ARHGEF38: variants seen among roughly 807,000 people sequenced by gnomAD.
ARHGEF38 encodes the protein Rho guanine nucleotide exchange factor (GEF) 38.
Under a neutral mutation model 79.9 loss-of-function variants are expected in ARHGEF38, and 79 were observed. The observed-to-expected ratio is 0.99, with a 90% confidence interval of 0.82 to 1.19. The LOEUF is 1.19. ARHGEF38 is among the 50% of genes most tolerant of loss of function. ARHGEF38 has a pLI of 0.00. For missense variants in ARHGEF38, 962 were observed against 907.2 expected, an observed-to-expected ratio of 1.06 and a Z score of -0.78; for synonymous variants, 366 against 328.3, an observed-to-expected ratio of 1.11 and a Z score of -1.24.
chr4:105,661,842 C>T (rs531473791), intron 10 of ARHGEF38, among the ~76,000 whole-genome samples: 21 of 152,160 alleles, frequency 1.4e-4, no homozygotes, highest in Middle Eastern at 6.8e-3. Flanking sequence ...TGGAATCATA[C>T]AATATGTATT....
At chr4:105,681,505 T>G (rs1731309722), downstream of ARHGEF38, among the ~76,000 whole-genome samples, 1 of 152,160 alleles carries the variant, frequency 6.6e-6, no homozygotes, top group Non-Finnish European at 1.5e-5. Context: ...GATATCCAGT[T>G]TTTTTGCTGT....
At chr4:105,671,274 G>C (rs1310424382) in intron 13 of ARHGEF38, among the ~76,000 whole-genome samples, 1 of 152,126 alleles carries the variant, frequency 6.6e-6, no homozygotes, top group Non-Finnish European at 1.5e-5. Flanking sequence ...CCTCAGAGTA[G>C]AAATCATCTA....
chr4:105,630,357 C>T (rs1729132261), intron 3 of ARHGEF38, among the ~76,000 whole-genome samples: 1 of 151,806 alleles, frequency 6.6e-6, no homozygotes. Context: ...AAGCGATTCT[C>T]CTGCCTCAGC....
intron 3 of ARHGEF38, among the ~76,000 whole-genome samples, chr4:105,617,532 T>C (rs949854254): frequency 2.0e-5 from 3 of 152,190 alleles, no homozygotes; most frequent in Admixed American, 2.0e-4. Context: ...CATTAATCAG[T>C]CTTTGGAAAT....
At chr4:105,589,487 A>C in intron 2 of ARHGEF38, 52 bp downstream of exon 2, 1 of 1,495,708 alleles carries the variant, frequency 6.7e-7, no homozygotes, top group Non-Finnish European at 9.0e-7. Context: ...AAATAGGATC[A>C]CTAGCACCAT....
chr4:105,663,862 C>T (rs1478076278), intron 10 of ARHGEF38, among the ~76,000 whole-genome samples: 3 of 151,308 alleles, frequency 2.0e-5, no homozygotes, highest in African/African-American at 7.3e-5. Flanking sequence ...CCCAGCTACT[C>T]GGGAGGCTGA....
rs1422924506 is a variant in ARHGEF38 at position 105,678,448 on chromosome 4, C to G, written c.*511C>G. The G allele has an allele frequency of 6.6e-6, 1 of 151,930 alleles. No individual in the cohort carries two copies. The highest frequency in any genetic ancestry group is 1.5e-5 in the Non-Finnish European group (1 of 68,022). The allele number at this position is 151,930 out of a possible 1,614,324, so 9.4% of individuals were successfully genotyped here. On this transcript the variant is annotated 3_prime_UTR_variant, in exon 14 of 14. Coordinates refer to ENST00000420470, the MANE Select transcript of ARHGEF38 (RefSeq NM_001242729.2). ...CTATATGTATAAATCAGAGTATACA[C>G]CAAATATACATAAGAAGAATATACC...
In ARHGEF38 at chr4:105,659,156, G is replaced by A. The variant is rs945745311; in HGVS notation, c.1336G>A (p.Asp446Asn). ...LIQKRYDKLL[D>N]CNSYLQRSTG... is the part of the protein sequence containing the mutation. ...CCAGAAACGCTATGACAAACTGCTG[G>A]ATTGCAACAGCTACCTGCAGCGATC... The change falls in exon 10 of 14, where the codon GAT becomes AAT. Residue 446 changes from aspartate (D) to asparagine (N), a missense_variant. Transcript: ENST00000420470. The A allele has an allele frequency of 5.9e-6, 9 of 1,536,080 alleles. No homozygotes were observed. The highest frequency in any genetic ancestry group is 7.8e-6 in the Non-Finnish European group (9 of 1,146,890).
intron 3 of ARHGEF38, among the ~76,000 whole-genome samples, chr4:105,626,837 C>T (rs1276060330): frequency 1.3e-5 from 2 of 151,644 alleles, no homozygotes; most frequent in Admixed American, 1.3e-4. Context: ...CCCCAGCACA[C>T]CTCTACAGTC....
intron 1 of ARHGEF38, among the ~76,000 whole-genome samples, chr4:105,569,120 T>C (rs936510939): frequency 6.6e-6 from 1 of 152,238 alleles, no homozygotes; most frequent in Non-Finnish European, 1.5e-5. Context: ...AGCTGTGTAC[T>C]TTAGCAGGAC....
At chr4:105,566,000 G>C (rs917051649) in intron 1 of ARHGEF38, among the ~76,000 whole-genome samples, 2 of 152,086 alleles carry the variant, frequency 1.3e-5, no homozygotes, top group Non-Finnish European at 1.5e-5. Flanking sequence ...CTGTCCATGC[G>C]AAGAGCCACT....
chr4:105,660,092 T>C (rs530056867), intron 10 of ARHGEF38, among the ~76,000 whole-genome samples: 4 of 152,270 alleles, frequency 2.6e-5, no homozygotes, highest in Admixed American at 2.6e-4. Flanking sequence ...CTTTATTTTC[T>C]ATTGTGCATT....
intron 9 of ARHGEF38, among the ~76,000 whole-genome samples, chr4:105,656,689 T>C (rs533324909): frequency 6.6e-6 from 1 of 152,312 alleles, no homozygotes; most frequent in South Asian, 2.1e-4. Context: ...GTTGGCATTA[T>C]AGGCATTTTG....
chr4:105,590,579 A>G (rs1727290035), intron 2 of ARHGEF38, among the ~76,000 whole-genome samples: 1 of 152,206 alleles, frequency 6.6e-6, no homozygotes, highest in East Asian at 1.9e-4. Flanking sequence ...TTTTATGAGT[A>G]CTAATATTTT....
chr4:105,576,439 G>A (rs977347917), intron 1 of ARHGEF38, among the ~76,000 whole-genome samples: 7 of 149,496 alleles, frequency 4.7e-5, no homozygotes, highest in African/African-American at 1.7e-4. Flanking sequence ...CATTGTAAAA[G>A]GGATTGAGTT....
chr4:105,614,932 A>G (rs945063098), intron 3 of ARHGEF38, among the ~76,000 whole-genome samples: 1 of 152,196 alleles, frequency 6.6e-6, no homozygotes, highest in Non-Finnish European at 1.5e-5. Flanking sequence ...AGCAGTTTCT[A>G]CACTACTGCA....
chr4:105,563,155 A>G (rs1188209895), intron 1 of ARHGEF38: 1 of 152,214 alleles, frequency 6.6e-6, no homozygotes, highest in Non-Finnish European at 1.5e-5. Context: ...AACGGGTGCT[A>G]ACATGGCATC....
At chr4:105,558,492 G>T (rs1725360093) in intron 1 of ARHGEF38, among the ~76,000 whole-genome samples, 1 of 152,160 alleles carries the variant, frequency 6.6e-6, no homozygotes, top group Non-Finnish European at 1.5e-5. Context: ...TGTGACACCA[G>T]TACAAACAGG....
chr4:105,612,166 T>A (rs1263977179), intron 2 of ARHGEF38, among the ~76,000 whole-genome samples: 1 of 152,098 alleles, frequency 6.6e-6, no homozygotes, highest in African/African-American at 2.4e-5. Context: ...AGCAGGTTGC[T>A]TTCTTCCTTA....
Sources: allele counts gnomAD v4.1 joint callset (sites outside exome capture counted in the v4.1 genomes callset), GRCh38; gene constraint gnomAD v4.1.1; transcripts MANE v1.5; gene names NCBI Gene and HGNC (gene_info 2026-07-23, HGNC 2026-07-21).